Variants in SPAG1 observed in about 807,000 individuals in gnomAD.
SPAG1 encodes sperm-associated antigen 1.
Under a neutral mutation model 100.5 loss-of-function variants are expected in SPAG1, and 69 were observed. The ratio of observed to expected loss-of-function variants is 0.69; its 90% CI spans 0.57 to 0.84. The LOEUF (loss-of-function observed/expected upper bound fraction) is 0.84, where lower values mean the gene tolerates loss of function less well. SPAG1 is among the 40% of genes least tolerant of loss of function. SPAG1 has a pLI of 0.00. For missense variants in SPAG1, 955 were observed against 1,133.1 expected, an observed-to-expected ratio of 0.84 and a Z score of 2.26; for synonymous variants, 336 against 411.6, an observed-to-expected ratio of 0.82 and a Z score of 2.22.
rs534261566 is a variant in SPAG1, at chr8:100,240,865, T to G, written c.2650-26T>G. The G allele has an allele frequency of 1.2e-4, 36 of 308,234 alleles. No individual in the cohort carries two copies. The highest frequency in any genetic ancestry group is 1.8e-4 in the Non-Finnish European group (35 of 190,086). The allele number at this position is 308,234 out of a possible 1,614,324, so 19.1% of individuals were successfully genotyped here. A position where few individuals can be genotyped will look rare whatever the true frequency, so the allele number is the denominator to read the frequency against. On this transcript the variant is annotated intron_variant, in intron 18 of 18. Transcript: ENST00000388798. ...TTATGCTAACATAGTTGGTTTTTTGTTTTTTTTTTTTTTTGCTTCTTTTAG... is the reference window on the plus strand; with the variant it reads ...TTATGCTAACATAGTTGGTTTTTTGGTTTTTTTTTTTTTTGCTTCTTTTAG...
chr8:100,193,579 C>T (rs1218834394), intron 9 of SPAG1, among the ~76,000 whole-genome samples: 1 of 152,176 alleles, frequency 6.6e-6, no homozygotes, highest in Non-Finnish European at 1.5e-5. Flanking sequence ...TATTTTTCAT[C>T]AGAGTCAGCA....
chr8:100,233,380 C>T (rs1265167316), intron 15 of SPAG1, 31 bp from the exon 16 acceptor site: 1 of 1,610,418 alleles, frequency 6.2e-7, no homozygotes, highest in African/African-American at 1.3e-5. Context: ...CTTTACCTTT[C>T]ATAATACTGA....
intron 10 of SPAG1, among the ~76,000 whole-genome samples, chr8:100,209,348 T>C (rs1361687551): frequency 6.8e-6 from 1 of 148,092 alleles, no homozygotes; most frequent in Non-Finnish European, 1.5e-5. Flanking sequence ...CCTACTAATA[T>C]ATATATTATA....
intron 10 of SPAG1, chr8:100,194,639 T>C (rs1413128830): frequency 2.5e-6 from 1 of 396,484 alleles, no homozygotes; most frequent in Non-Finnish European, 4.4e-6. Context: ...AAAACAGGTA[T>C]GGGTAGCCCC....
rs548568987 is a variant in SPAG1, at chr8:100,213,451, C to A, written c.1435+23C>A. 2.2e-6 allele frequency: 3 copies of A among 1,375,912 alleles called. No homozygotes were observed. The African/African-American group carries it at 4.6e-5, about 21-fold the overall frequency. The allele number at this position is 1,375,912 out of a possible 1,614,324, so 85.2% of individuals were successfully genotyped here. On this transcript the variant is annotated intron_variant, in intron 11 of 18. Transcript: ENST00000388798. ...CAGGTAGGTGCGCCGCGCCCCGCCG[C>A]TTCCTGGGCCCCTCGCGCTGCGGTT...
intron 16 of SPAG1, among the ~76,000 whole-genome samples, chr8:100,237,519 A>G (rs1417645048): frequency 6.6e-6 from 1 of 152,130 alleles, no homozygotes; most frequent in Non-Finnish European, 1.5e-5. Context: ...GTAATTATCT[A>G]TTCATTTGTT....
In SPAG1 at chr8:100,191,402, G is replaced by A. The variant is rs144608097; in HGVS notation, c.845G>A (p.Arg282His). The A allele has an allele frequency of 4.9e-5, 79 of 1,612,556 alleles. No individual in the cohort carries two copies. The African/African-American group carries it at 5.5e-4, about 11-fold the overall frequency. ...GGTAAATTTTCAGCTCTTCTGCGTC[G>A]TGCTACTACATATAAACATCAAAAC... The part of the protein sequence containing the change: ...EPGNVKALLR[R>H]ATTYKHQNKL... Residue 282 changes from arginine to histidine, a missense_variant, in exon 9 of 19, where the codon CGT (arginine) becomes CAT (histidine). Physicochemically the swap from Arg to His is conservative, Grantham distance 29. Transcript: ENST00000388798.
Position 100,233,606 on chromosome 8 carries a change from A to C in SPAG1, c.2115+69A>C, listed in dbSNP as rs1047960447. 4.8e-6 allele frequency: 7 copies of C among 1,447,694 alleles called. No homozygotes were observed. The African/African-American group carries it at 7.1e-5, about 15-fold the overall frequency. The allele number at this position is 1,447,694 out of a possible 1,614,324, so 89.7% of individuals were successfully genotyped here. A position where few individuals can be genotyped will look rare whatever the true frequency, so the allele number is the denominator to read the frequency against. ...AAATCAAGTGGTTTTCACAAGCATA[A>C]ATCTCCAGATCTTGGGATGGGATTG... On this transcript the variant is annotated intron_variant, in intron 16 of 18. Transcript: ENST00000388798.
intron 17 of SPAG1, 91 bp from the exon 18 acceptor site, chr8:100,240,312 A>C: frequency 8.0e-7 from 1 of 1,253,862 alleles, no homozygotes; most frequent in South Asian, 1.5e-5. Context: ...GTCTACTTGT[A>C]GTTTTCAATT....
At chr8:100,168,906 C>A (rs186911135) in intron 3 of SPAG1, among the ~76,000 whole-genome samples, 7 of 151,852 alleles carry the variant, frequency 4.6e-5, no homozygotes, top group Admixed American at 1.3e-4. Flanking sequence ...AGGCTGGTCT[C>A]GAACTCCCAA....
At chr8:100,200,160 T>C (rs1817212229) in intron 10 of SPAG1, among the ~76,000 whole-genome samples, 1 of 152,178 alleles carries the variant, frequency 6.6e-6, no homozygotes, top group Non-Finnish European at 1.5e-5. Flanking sequence ...AGTGTTCTCA[T>C]TGTTCAATTC....
At chr8:100,225,137 T>C (rs374385460) in intron 13 of SPAG1, 36 bp from the exon 14 acceptor site, 1 of 1,568,002 alleles carries the variant, frequency 6.4e-7, no homozygotes, top group African/African-American at 1.4e-5. Context: ...AAAAGCAAAC[T>C]AAATGATCAA....
At position 100,187,177 on chromosome 8, in the gene SPAG1, CA is replaced by C. The variant is rs1816621138; in HGVS notation, c.762del (p.Lys254AsnfsTer18). The C allele has an allele frequency of 1.2e-6, 2 of 1,613,012 alleles. No individual in the cohort carries two copies. Among genetic ancestry groups the C allele is most frequent in the Non-Finnish European group, 8.5e-7 (1 of 1,179,396 alleles). On this transcript the variant is annotated frameshift_variant, in exon 8 of 19. Transcript: ENST00000388798. LOFTEE classifies it high-confidence loss of function. ...ATAACAATCGAGCTCAAGCAGAAAT[CA>C]AATTACAGAACTGGAATAGTGCTTT... Reference protein sequence around the residue: ...AYNNRAQAEIKLQNWNSAFQD... With the variant: ...AYNNRAQAEIXLQNWNSAFQD...
intron 3 of SPAG1, 76 bp from the exon 4 acceptor site, chr8:100,177,740 G>A: frequency 1.2e-6 from 1 of 863,902 alleles, no homozygotes; most frequent in South Asian, 2.3e-5. Context: ...TATTGTTCAA[G>A]GGTCAACTAT....
chr8:100,166,159 T>C (rs1328614337), intron 3 of SPAG1, among the ~76,000 whole-genome samples, 186 bp downstream of exon 3: 1 of 152,258 alleles, frequency 6.6e-6, no homozygotes, highest in Non-Finnish European at 1.5e-5. Context: ...TCCGTACATG[T>C]GTATATTTAA....
intron 8 of SPAG1, among the ~76,000 whole-genome samples, chr8:100,187,887 C>T (rs1325091755): frequency 6.6e-6 from 1 of 152,172 alleles, no homozygotes; most frequent in African/African-American, 2.4e-5. Context: ...GAGTCTCATT[C>T]TGTCACCCAG....
chr8:100,187,082 T>G, intron 7 of SPAG1, 38 bp from the exon 8 acceptor site: 1 of 1,586,668 alleles, frequency 6.3e-7, no homozygotes. Flanking sequence ...TATGTTTACC[T>G]TAGGCTTGCT....
chr8:100,201,953 CAA>C (rs1312329542), intron 10 of SPAG1, among the ~76,000 whole-genome samples: 1 of 152,158 alleles, frequency 6.6e-6, no homozygotes, highest in Non-Finnish European at 1.5e-5. Context: ...TAATTGAACT[CAA>C]AGAGTAGGGG....
chr8:100,182,967 A>G (rs987868659), intron 4 of SPAG1, among the ~76,000 whole-genome samples: 1 of 151,734 alleles, frequency 6.6e-6, no homozygotes, highest in Non-Finnish European at 1.5e-5. Flanking sequence ...TTCCATTTGT[A>G]TATCTTTATT....
Sources: allele counts gnomAD v4.1 joint callset (sites outside exome capture counted in the v4.1 genomes callset), GRCh38; gene constraint gnomAD v4.1.1; transcripts MANE v1.5; gene names NCBI Gene and HGNC (gene_info 2026-07-23, HGNC 2026-07-21).